MNS1: variants seen among roughly 807,000 people sequenced by gnomAD.
MNS1 encodes meiosis-specific nuclear structural protein 1.
A neutral mutation model predicts 72.0 loss-of-function variants in MNS1; 63 were observed. The observed-to-expected ratio is 0.87, with a 90% CI of 0.71 to 1.08. The LOEUF (loss-of-function observed/expected upper bound fraction) is 1.08, where lower values mean the gene tolerates loss of function less well. Among genes scored for constraint, MNS1 ranks in the 50% least tolerant of loss-of-function variants. The probability of loss-of-function intolerance (pLI) is 0.00; values close to 1 mark genes in which losing one functional copy is unlikely to be tolerated. For synonymous variants in MNS1, 188 were observed against 172.1 expected (o/e 1.09, Z -0.72); for missense variants, 604 against 562.4 (o/e 1.07, Z -0.75).
intron 3 of MNS1, among the ~76,000 whole-genome samples, chr15:56,453,437 A>G (rs75815465): frequency 0.044 from 6,731 of 152,200 alleles, 225 homozygotes; most frequent in Admixed American, 0.089. Flanking sequence ...CTATTTTATG[A>G]ATTAACAGCT....
Position 56,463,900 on chromosome 15 carries a change from G to A in MNS1, c.225+126C>T, listed in dbSNP as rs2051039828. ...GGTCTTTACGATTACACCGAGCTGAGGCACAATCAGGCATCACTTACCTGC... is the reference window on the plus strand; with the variant it reads ...GGTCTTTACGATTACACCGAGCTGAAGCACAATCAGGCATCACTTACCTGC... On this transcript the variant is annotated intron_variant, in intron 2 of 9. Transcript: ENST00000260453. 4 of 743,180 alleles carry A rather than the reference G, an allele frequency of 5.4e-6. No individual in the cohort carries two copies. The East Asian group carries it at 1.1e-4, about 20-fold the overall frequency. The allele number at this position is 743,180 out of a possible 1,614,324, so 46.0% of individuals were successfully genotyped here.
Position 56,444,565 on chromosome 15 carries a change from G to C in MNS1, c.565C>G (p.Leu189Val). 6.2e-7 allele frequency: 1 copy of C among 1,612,750 alleles called. No homozygotes were observed. Among genetic ancestry groups the C allele is most frequent in the Non-Finnish European group, 8.5e-7 (1 of 1,179,444 alleles). The change falls in exon 5 of 10, where the codon CTT (leucine) becomes GTT (valine). Residue 189 changes from leucine to valine, a missense_variant. Transcript: ENST00000260453. ...TCTTCAAGTTGTTTCTCTAAGTCAA[G>C]ATAGTACTGTGCTTTCGCTTTGTTT... ...KRNKAKAQYY[L>V]DLEKQLEEQE...
intron 5 of MNS1, 93 bp from the exon 6 acceptor site, chr15:56,443,947 A>G (rs1020208266): frequency 7.9e-6 from 8 of 1,007,686 alleles, no homozygotes; most frequent in Admixed American, 3.2e-5. Context: ...GAAAAACACT[A>G]TAGTTTTTTC....
chr15:56,437,679 C>T (rs574219791), intron 7 of MNS1, among the ~76,000 whole-genome samples: 5 of 152,242 alleles, frequency 3.3e-5, no homozygotes, highest in South Asian at 2.1e-4. Context: ...TCAAATTGTC[C>T]TTGTTTGCAG....
chr15:56,464,867 G>T lies in MNS1; in HGVS notation c.3+103C>A. On this transcript the variant is annotated intron_variant, in intron 1 of 9. Coordinates refer to ENST00000260453, the MANE Select transcript of MNS1 (RefSeq NM_018365.4). ...AGCAAATACAAGTTCCCCAATTAAT[G>T]ACCAGATTAAGCACTTAAAATCCTT... The T allele has an allele frequency of 3.4e-6, 5 of 1,491,048 alleles. No homozygotes were observed. In the South Asian group the frequency reaches 5.9e-5, roughly 18 times the overall value. The allele number at this position is 1,491,048 out of a possible 1,614,324, so 92.4% of individuals were successfully genotyped here. A position where few individuals can be genotyped will look rare whatever the true frequency, so the allele number is the denominator to read the frequency against.
intron 2 of MNS1, among the ~76,000 whole-genome samples, chr15:56,458,511 G>A (rs1596268446): frequency 6.6e-6 from 1 of 152,036 alleles, no homozygotes; most frequent in East Asian, 1.9e-4. Flanking sequence ...TTCATTCTTG[G>A]TGGTACACAT....
At chr15:56,460,010 ATACATAT>A (rs1194056662) in intron 2 of MNS1, among the ~76,000 whole-genome samples, 1 of 27,456 alleles carries the variant, frequency 3.6e-5, no homozygotes, top group Non-Finnish European at 7.2e-5. Flanking sequence ...AAAAAAAAAA[ATACATAT>A]ATATATATAT....
In MNS1 at chr15:56,458,525, A is replaced by G. The variant is rs1328349085; in HGVS notation, c.226-2004T>C. 2.0e-5 allele frequency among the ~76,000 whole-genome samples: 3 copies of G among 152,082 alleles called. No homozygotes were observed. The East Asian group carries it at 5.8e-4, about 29-fold the overall frequency. On this transcript the variant is annotated intron_variant, in intron 2 of 9. Transcript: ENST00000260453. ...GTTCATTCTTGGTGGTACACATTCT[A>G]TGGGTTTTGGCAATGCATAATCATA...
chr15:56,447,653 T>C (rs2050916883), intron 3 of MNS1: 1 of 152,166 alleles, frequency 6.6e-6, no homozygotes, highest in African/African-American at 2.4e-5. Context: ...TAGTTTTCAG[T>C]TTTACTGATC....
chr15:56,438,126 A>G (rs1331841811), intron 7 of MNS1, among the ~76,000 whole-genome samples: 3 of 152,218 alleles, frequency 2.0e-5, no homozygotes, highest in African/African-American at 7.2e-5. Flanking sequence ...TTTAAAATTC[A>G]TATGGAACCA....
intron 3 of MNS1, among the ~76,000 whole-genome samples, chr15:56,455,247 G>GAAA (rs56339584): frequency 3.6e-4 from 30 of 82,872 alleles, no homozygotes; most frequent in Non-Finnish European, 5.0e-4. Flanking sequence ...ATCGTCAGGT[G>GAAA]AAAAAAAAAA....
chr15:56,452,324 G>A (rs755896183), intron 3 of MNS1, among the ~76,000 whole-genome samples: 10 of 152,118 alleles, frequency 6.6e-5, no homozygotes, highest in Admixed American at 5.9e-4. Flanking sequence ...CACAGGACAC[G>A]CTTAATTCCC....
At chr15:56,456,090 T>C (rs544883150) in intron 3 of MNS1, among the ~76,000 whole-genome samples, 20 of 152,282 alleles carry the variant, frequency 1.3e-4, no homozygotes, top group African/African-American at 4.8e-4. Context: ...AAACTAGTTA[T>C]TACCTAAGGT....
chr15:56,450,453 C>A (rs185262674), intron 3 of MNS1, among the ~76,000 whole-genome samples: 61 of 152,226 alleles, frequency 4.0e-4, no homozygotes, highest in African/African-American at 1.4e-3. Context: ...AATTCCTAAT[C>A]TGCATTTTGT....
intron 7 of MNS1, among the ~76,000 whole-genome samples, chr15:56,436,333 G>A (rs1400893803): frequency 2.0e-5 from 3 of 152,216 alleles, no homozygotes; most frequent in Non-Finnish European, 4.4e-5. Context: ...CATGGAAAGT[G>A]AACAACCTGC....
At chr15:56,458,019 T>G (rs764205908) in intron 2 of MNS1, among the ~76,000 whole-genome samples, 2 of 152,212 alleles carry the variant, frequency 1.3e-5, no homozygotes, top group Admixed American at 6.5e-5. Context: ...ACATCCATAC[T>G]ATGGGATACT....
intron 2 of MNS1, among the ~76,000 whole-genome samples, chr15:56,463,512 G>T (rs1244973741): frequency 1.3e-5 from 2 of 152,078 alleles, no homozygotes; most frequent in East Asian, 1.9e-4. Context: ...GGCTGGGCGC[G>T]GTGGCTCACC....
chr15:56,433,665 C>T (rs1309112663), intron 8 of MNS1, among the ~76,000 whole-genome samples: 1 of 152,122 alleles, frequency 6.6e-6, no homozygotes, highest in Non-Finnish European at 1.5e-5. Flanking sequence ...ACCTTCAATG[C>T]TCTCACTTGA....
At position 56,464,026 on chromosome 15, in the gene MNS1, C is replaced by A. The variant is rs1381310204; in HGVS notation, c.225G>T (p.Lys75Asn). 1 of 1,601,654 alleles carries A rather than the reference C, an allele frequency of 6.2e-7. No homozygotes were observed. Among genetic ancestry groups the A allele is most frequent in the East Asian group, 2.2e-5 (1 of 44,698 alleles). ...AGTAACAATGAATAGTAAAACTTAC[C>A]TTTTGAATGGCCTCTTCCATATCCA... Reference protein sequence around the residue: ...FELDMEEAIQKAEENKRLKEL... With the variant: ...FELDMEEAIQNAEENKRLKEL... Residue 75 changes from lysine (K) to asparagine (N), a missense_variant and splice_region_variant, in exon 2 of 10, where the codon AAG becomes AAT. Physicochemically the swap from Lys to Asn is moderately conservative, Grantham distance 94. Transcript: ENST00000260453.
Sources: gnomAD v4.1 joint callset for allele counts (sites outside exome capture counted in the v4.1 genomes callset) on GRCh38, gnomAD v4.1.1 for gene constraint, MANE v1.5 for transcripts, NCBI Gene and HGNC (gene_info 2026-07-23, HGNC 2026-07-21) for gene names.